RBFOX1: variants seen among roughly 807,000 people sequenced by gnomAD.
RBFOX1 encodes the protein RNA binding fox-1 homolog 1.
RBFOX1 carries 8 observed loss-of-function variants against 57.7 expected under a neutral mutation model. The ratio of observed to expected loss-of-function variants is 0.14; its 90% CI spans 0.08 to 0.25. The LOEUF is 0.25. Among genes scored for constraint, RBFOX1 ranks in the 10% least tolerant of loss-of-function variants. The pLI, the probability that RBFOX1 is intolerant of heterozygous loss-of-function variation, is 1.00. For synonymous variants in RBFOX1, 326 were observed against 222.4 expected (o/e 1.47, Z -4.15); for missense variants, 611 against 548.5 (o/e 1.11, Z -1.14).
intron 3 of RBFOX1, among the ~76,000 whole-genome samples, chr16:6,905,725 C>G (rs1235917300): frequency 6.6e-6 from 1 of 152,150 alleles, no homozygotes; most frequent in African/African-American, 2.4e-5. Context: ...GAATTTCTCT[C>G]CAATGCCTGA....
intron 4 of RBFOX1, among the ~76,000 whole-genome samples, chr16:7,169,780 T>A (rs575691397): frequency 1.6e-4 from 24 of 152,250 alleles, no homozygotes; most frequent in African/African-American, 5.3e-4. Flanking sequence ...ATTTTAAAAA[T>A]GTATAATTGC....
intron 4 of RBFOX1, among the ~76,000 whole-genome samples, chr16:7,265,889 T>C (rs1028640063): frequency 6.6e-6 from 1 of 151,498 alleles, no homozygotes; most frequent in African/African-American, 2.4e-5. Context: ...GCTGTTTAGA[T>C]CATGGGAATG....
At chr16:7,263,625 C>A (rs4378633) in intron 4 of RBFOX1, among the ~76,000 whole-genome samples, 79,321 of 151,732 alleles carry the variant, frequency 0.52, 21,202 homozygotes, top group Middle Eastern at 0.62. Flanking sequence ...AGGCTGGGAA[C>A]GGTGGCTCAC....
intron 3 of RBFOX1, among the ~76,000 whole-genome samples, chr16:6,955,497 C>G (rs1349219285): frequency 6.6e-6 from 1 of 151,760 alleles, no homozygotes; most frequent in Non-Finnish European, 1.5e-5. Flanking sequence ...AGATATGAAT[C>G]TCACGGAATT....
chr16:6,620,286 C>A (rs1300058963), intron 2 of RBFOX1, among the ~76,000 whole-genome samples: 3 of 152,142 alleles, frequency 2.0e-5, no homozygotes, highest in Non-Finnish European at 4.4e-5. Flanking sequence ...TCAAGAAGTT[C>A]TTTGAAACTA....
chr16:7,712,701 T>C lies in RBFOX1; in HGVS notation c.*1956T>C, dbSNP rs2084179797. The C allele has an allele frequency of 6.6e-6, 1 of 152,174 alleles. No individual in the cohort carries two copies. The highest frequency in any genetic ancestry group is 1.9e-4 in the East Asian group (1 of 5,170). The allele number at this position is 152,174 out of a possible 1,614,324, so 9.4% of individuals were successfully genotyped here. A position where few individuals can be genotyped will look rare whatever the true frequency, so the allele number is the denominator to read the frequency against. The stretch of plus-strand genomic sequence containing the variant: ...TCATTCCCCCACCTGGAAAACAGTG[T>C]TATGGCAATGGGTGCCTGGTTGATG... On this transcript the variant is annotated 3_prime_UTR_variant, in exon 16 of 16. Transcript: ENST00000550418.
At chr16:7,310,208 A>G (rs529691253) in intron 4 of RBFOX1, among the ~76,000 whole-genome samples, 2 of 152,318 alleles carry the variant, frequency 1.3e-5, no homozygotes, top group African/African-American at 4.8e-5. Context: ...GCTGGGAGAC[A>G]GAGCTGGCCA....
chr16:6,442,612 G>A (rs908495445), intron 2 of RBFOX1, among the ~76,000 whole-genome samples: 4 of 151,580 alleles, frequency 2.6e-5, no homozygotes, highest in East Asian at 3.9e-4. Flanking sequence ...CTTCCTTCTC[G>A]TAAATTAAAA....
chr16:7,026,650 G>A (rs1170523249), intron 3 of RBFOX1, among the ~76,000 whole-genome samples: 1 of 152,150 alleles, frequency 6.6e-6, no homozygotes, highest in Non-Finnish European at 1.5e-5. Flanking sequence ...TCAGGATCCA[G>A]CTGAAACAAC....
intron 1 of RBFOX1, among the ~76,000 whole-genome samples, chr16:6,040,160 CTG>C (rs1376713759): frequency 1.3e-5 from 2 of 152,196 alleles, no homozygotes; most frequent in Non-Finnish European, 1.5e-5. Context: ...TTAATTCACT[CTG>C]TTGCATGATT....
intron 10 of RBFOX1, among the ~76,000 whole-genome samples, chr16:7,623,439 C>A (rs189872122): frequency 3.3e-4 from 50 of 152,246 alleles, no homozygotes; most frequent in African/African-American, 1.2e-3. Flanking sequence ...GAGGCAGTGA[C>A]GGATCAGGCA....
At chr16:7,113,145 G>GTT (rs1663270397) in intron 4 of RBFOX1, among the ~76,000 whole-genome samples, 1 of 152,108 alleles carries the variant, frequency 6.6e-6, no homozygotes, top group Admixed American at 6.5e-5. Context: ...AGATATATAC[G>GTT]TTTTTAATTT....
chr16:5,721,568 C>T (rs574267139), intron 3 of RBFOX1, among the ~76,000 whole-genome samples: 2 of 152,296 alleles, frequency 1.3e-5, no homozygotes, highest in East Asian at 3.9e-4. Context: ...GGCATTCAGT[C>T]TTCGGCCATT....
At position 5,996,941 on chromosome 16, in the gene RBFOX1, G is replaced by A. The variant is rs533382768; in HGVS notation, c.351+129606G>A. On this transcript the variant is annotated intron_variant, in intron 4 of 19. Coordinates refer to the RBFOX1 transcript ENST00000641259. ...TACTTTTGCATCAACCTAATAGTTC[G>A]TCCAAACTGACGAGCAAGCACCTCC... Among the ~76,000 whole-genome samples, 39 of 152,254 alleles carry A rather than the reference G, an allele frequency of 2.6e-4. No individual in the cohort carries two copies. In the South Asian group the frequency reaches 4.6e-3, roughly 18 times the overall value.
chr16:7,354,887 C>G (rs2097187898), intron 4 of RBFOX1, among the ~76,000 whole-genome samples: 1 of 152,140 alleles, frequency 6.6e-6, no homozygotes, highest in African/African-American at 2.4e-5. Flanking sequence ...CAGCTCTATG[C>G]TAAAAGATTA....
At chr16:5,964,930 G>A (rs148125477) in intron 4 of RBFOX1, among the ~76,000 whole-genome samples, 6 of 152,134 alleles carry the variant, frequency 3.9e-5, no homozygotes, top group East Asian at 1.9e-4. Flanking sequence ...GTTTGCATGC[G>A]TATACACAAT....
At chr16:7,635,502 G>A (rs1212059101) in intron 11 of RBFOX1, among the ~76,000 whole-genome samples, 2 of 152,068 alleles carry the variant, frequency 1.3e-5, no homozygotes, top group Admixed American at 6.6e-5. Context: ...AAAAGTGTGT[G>A]GACGCCCAGT....
At chr16:5,343,285 T>C (rs1340290660) in intron 1 of RBFOX1, among the ~76,000 whole-genome samples, 11 of 148,750 alleles carry the variant, frequency 7.4e-5, no homozygotes, top group Non-Finnish European at 1.5e-4. Flanking sequence ...TTTAAAACTT[T>C]CACTTCTTTG....
intron 3 of RBFOX1, among the ~76,000 whole-genome samples, chr16:5,683,721 A>G (rs959669775): frequency 7.9e-5 from 12 of 151,032 alleles, no homozygotes; most frequent in African/African-American, 2.9e-4. Context: ...TTAATACTTA[A>G]TAAAGTCCCC....
Sources: allele counts gnomAD v4.1 joint callset (sites outside exome capture counted in the v4.1 genomes callset), GRCh38; gene constraint gnomAD v4.1.1; transcripts MANE v1.5; gene names NCBI Gene and HGNC (gene_info 2026-07-23, HGNC 2026-07-21).